KLHL13: variants seen among roughly 807,000 people sequenced by gnomAD.
KLHL13 encodes kelch-like protein 13.
KLHL13 carries 10 observed loss-of-function variants against 37.1 expected under a neutral mutation model. The observed-to-expected ratio is 0.27, with a 90% CI of 0.17 to 0.46. The LOEUF is 0.46. Ranked by LOEUF, KLHL13 falls within the 20% of genes least tolerant of loss-of-function variation. KLHL13 has a pLI of 1.00. For synonymous variants in KLHL13, 163 were observed against 181.2 expected (o/e 0.90, Z 0.81); for missense variants, 360 against 509.3 (o/e 0.71, Z 2.82).
chrX:117,946,951 C>G (rs1933351890), intron 1 of KLHL13: 1 of 111,190 alleles, frequency 9.0e-6, no homozygotes, highest in Admixed American at 9.6e-5. Context: ...GATATTAGAG[C>G]CATAGTATAA....
At chrX:118,106,228 T>C (rs781585287) in intron 1 of KLHL13, among the ~76,000 whole-genome samples, 10 of 110,280 alleles carry the variant, frequency 9.1e-5, no homozygotes, top group South Asian at 3.9e-4. Context: ...TACAAAAGCA[T>C]TGGATTAGAA....
intron 1 of KLHL13, among the ~76,000 whole-genome samples, chrX:118,072,666 CGAA>C (rs1383176453): frequency 9.0e-6 from 1 of 111,684 alleles, no homozygotes; most frequent in East Asian, 2.8e-4. Flanking sequence ...AAAAAGTGGG[CGAA>C]GGACATGAAC....
chrX:118,022,601 T>A, intron 1 of KLHL13, among the ~76,000 whole-genome samples: 1 of 112,272 alleles, frequency 8.9e-6, no homozygotes, highest in Non-Finnish European at 1.9e-5. Flanking sequence ...GTTGAGCACC[T>A]TTTTATATGC....
intron 1 of KLHL13, among the ~76,000 whole-genome samples, chrX:117,998,674 C>T (rs940482889): frequency 9.1e-6 from 1 of 110,021 alleles, no homozygotes; most frequent in Non-Finnish European, 1.9e-5. Flanking sequence ...AGAAACCCAC[C>T]CTTTGTGACA....
chrX:118,024,240 T>C (rs2054250867), intron 1 of KLHL13, among the ~76,000 whole-genome samples: 1 of 112,221 alleles, frequency 8.9e-6, no homozygotes, highest in Non-Finnish European at 1.9e-5. Context: ...TTATGTGGAA[T>C]CTAGGCCATA....
chrX:118,028,402 T>TA (rs1428367386), intron 1 of KLHL13, 22 bp downstream of exon 2: 34 of 1,028,127 alleles, frequency 3.3e-5, no homozygotes, highest in Non-Finnish European at 4.3e-5. Context: ...TTATATAAGT[T>TA]AAACTATTTC....
At chrX:117,945,440 C>T in exon 2 of KLHL13, 1 of 1,207,569 alleles carries the variant, frequency 8.3e-7, no homozygotes, top group Non-Finnish European at 1.1e-6. Context: ...TTACCTGTAA[C>T]ACCACAGAAC....
chrX:117,965,186 T>C (rs2053398610), intron 1 of KLHL13, among the ~76,000 whole-genome samples: 2 of 111,729 alleles, frequency 1.8e-5, no homozygotes, highest in Non-Finnish European at 1.9e-5. Flanking sequence ...ATGGTTGAAC[T>C]AGTTTACAGT....
At chrX:118,038,449 C>T (rs938163643) in intron 1 of KLHL13, among the ~76,000 whole-genome samples, 2 of 111,626 alleles carry the variant, frequency 1.8e-5, no homozygotes, top group African/African-American at 6.5e-5. Context: ...CCCCTCCATC[C>T]CCTGGCAGTG....
chrX:117,979,356 T>C (rs199848115), intron 1 of KLHL13, among the ~76,000 whole-genome samples: 1 of 111,864 alleles, frequency 8.9e-6, no homozygotes, highest in Non-Finnish European at 1.9e-5. Context: ...AGGGGTAACA[T>C]ATCCAATGCT....
In KLHL13 at chrX:117,945,581, A is replaced by G; in HGVS notation, c.99-6T>C. ...CTTCCTCTTCCACGAGAGATCTGAA[A>G]GTTTTTTTACATAAGAAAGAAGGGG... On this transcript the variant is annotated splice_region_variant and splice_polypyrimidine_tract_variant and intron_variant, in intron 1 of 6. Transcript: ENST00000262820. 1 of 1,190,378 alleles carries G rather than the reference A, an allele frequency of 8.4e-7. No homozygotes were observed. Among genetic ancestry groups the G allele is most frequent in the Non-Finnish European group, 1.1e-6 (1 of 881,004 alleles).
At chrX:117,966,579 C>G (rs1251792609) in intron 1 of KLHL13, among the ~76,000 whole-genome samples, 1 of 110,691 alleles carries the variant, frequency 9.0e-6, no homozygotes, top group Non-Finnish European at 1.9e-5. Context: ...CATATGGAAC[C>G]AAAAAGGAGC....
At chrX:118,030,178 T>C (rs755974219) in intron 1 of KLHL13, among the ~76,000 whole-genome samples, 2 of 111,597 alleles carry the variant, frequency 1.8e-5, no homozygotes, top group East Asian at 2.8e-4. Context: ...ACATCATTTA[T>C]GTTTATTTGT....
chrX:118,018,275 T>C (rs1221655743), intron 1 of KLHL13, among the ~76,000 whole-genome samples: 1 of 111,500 alleles, frequency 9.0e-6, no homozygotes, highest in Non-Finnish European at 1.9e-5. Context: ...CTTCGTGATA[T>C]ATATTTATTA....
At chrX:118,011,052 G>A (rs1366375816) in intron 1 of KLHL13, among the ~76,000 whole-genome samples, 1 of 109,562 alleles carries the variant, frequency 9.1e-6, no homozygotes, top group Non-Finnish European at 1.9e-5. Flanking sequence ...CAGCCTGGGT[G>A]ACAGAGTGAG....
intron 2 of KLHL13, among the ~76,000 whole-genome samples, chrX:117,944,490 AAC>A (rs1181677897): frequency 8.9e-6 from 1 of 111,804 alleles, no homozygotes; most frequent in Non-Finnish European, 1.9e-5. Context: ...ATTACATTTA[AAC>A]ACAGAGGATG....
At position 117,907,707 on chromosome X, in the gene KLHL13, A is replaced by T. The variant is rs774802927; in HGVS notation, c.1366+1594T>A. Among the ~76,000 whole-genome samples the T allele has an allele frequency of 5.4e-5, 6 of 111,364 alleles. No individual in the cohort carries two copies. The South Asian group carries it at 2.2e-3, about 42-fold the overall frequency. On this transcript the variant is annotated intron_variant, in intron 5 of 6. Transcript: ENST00000262820. Reference sequence around the variant, plus strand: ...TTTAAAAGTCCAATTATTAAAATATATTGGAAAACCTATGCAGTTCATGAT... The same window carrying T: ...TTTAAAAGTCCAATTATTAAAATATTTTGGAAAACCTATGCAGTTCATGAT...
At chrX:118,115,508 T>A (rs1410390590) in intron 1 of KLHL13, among the ~76,000 whole-genome samples, 3 of 112,837 alleles carry the variant, frequency 2.7e-5, no homozygotes. Context: ...AGAAAGCAGG[T>A]GCCCTCCAGA....
chrX:118,116,938 G>A (rs2148202493), upstream of KLHL13: 1 of 107,931 alleles, frequency 9.3e-6, no homozygotes, highest in Non-Finnish European at 1.9e-5. Context: ...CGGGAGGCAG[G>A]GTGGCGGGGA....
Sources: allele counts gnomAD v4.1 joint callset (sites outside exome capture counted in the v4.1 genomes callset), GRCh38; gene constraint gnomAD v4.1.1; transcripts MANE v1.5; gene names NCBI Gene and HGNC (gene_info 2026-07-23, HGNC 2026-07-21).